The following TRIM68 variants were observed in gnomAD, a reference collection of about 807,000 sequenced individuals.
TRIM68 encodes E3 ubiquitin-protein ligase TRIM68.
In TRIM68, 36 loss-of-function variants were observed where a neutral mutation model predicts 41.9. That is an observed-to-expected ratio of 0.86 (90% CI 0.66 to 1.14). The LOEUF is 1.14. TRIM68 is among the 50% of genes most tolerant of loss of function. The pLI, the probability that TRIM68 is intolerant of heterozygous loss-of-function variation, is 0.00. For missense variants in TRIM68, 632 were observed against 605.1 expected (o/e 1.04, Z -0.47); for synonymous variants, 225 against 224.6 (o/e 1.00, Z -0.02).
At position 4,602,412 on chromosome 11, in the gene TRIM68, T is replaced by A. The variant is rs779419865; in HGVS notation, c.523A>T (p.Ile175Leu). 3.1e-6 allele frequency: 5 copies of A among 1,612,644 alleles called. No homozygotes were observed. The East Asian group carries it at 8.9e-5, about 29-fold the overall frequency. The change falls in exon 4 of 7, where the codon ATA becomes TTA. Residue 175 changes from isoleucine (I) to leucine (L), a missense_variant and splice_region_variant. Physicochemically the swap from Ile to Leu is conservative, Grantham distance 5 (BLOSUM62 2). Transcript: ENST00000300747. Reference sequence around the variant, plus strand: ...CTCTGTTTTCGGGTTTCCACCTGTATCTGTGGAGCCAAGATGGAAATCAGC... The same window carrying A: ...CTCTGTTTTCGGGTTTCCACCTGTAACTGTGGAGCCAAGATGGAAATCAGC... ...GERKRTATWK[I>L]QVETRKQSIV...
Position 4,602,238 on chromosome 11 carries a change from C to T in TRIM68, c.697G>A (p.Glu233Lys), listed in dbSNP as rs972702760. ...TMQKLELNHS[E>K]LIQQSQVLWR... is the part of the protein sequence containing the mutation. ...AGGACCTGGCTCTGCTGGATGAGCT[C>T]GCTATGGTTCAACTCCAGTTTCTGC... is the stretch of plus-strand genomic sequence containing the variant. Residue 233 changes from glutamate (E) to lysine (K), a missense_variant, in exon 4 of 7, where the codon GAG (glutamate) becomes AAG (lysine). Physicochemically the swap from Glu to Lys is moderately conservative, Grantham distance 56. Coordinates refer to ENST00000300747, the MANE Select transcript of TRIM68 (RefSeq NM_018073.8). 7.4e-6 allele frequency: 12 copies of T among 1,614,040 alleles called. No individual in the cohort carries two copies. Among genetic ancestry groups the T allele is most frequent in the Admixed American group, 1.7e-5 (1 of 60,000 alleles).
chr11:4,601,068 C>A lies in TRIM68; in HGVS notation c.866G>T (p.Cys289Phe). 1.9e-6 allele frequency: 3 copies of A among 1,614,212 alleles called. No individual in the cohort carries two copies. The highest frequency in any genetic ancestry group is 2.5e-6 in the Non-Finnish European group (3 of 1,180,040). Residue 289 changes from cysteine to phenylalanine, a missense_variant, in exon 6 of 7, where the codon TGC becomes TTC. Physicochemically the swap from Cys to Phe is radical, Grantham distance 205. Coordinates refer to ENST00000300747, the MANE Select transcript of TRIM68 (RefSeq NM_018073.8). Reference protein sequence around the residue: ...EPISLELKTDCRVLGLREILK... With the variant: ...EPISLELKTDFRVLGLREILK... ...GATCTCTCTTAGCCCCAGCACACGGCAATCTGTCTTCAACTCCAGGGAGAT... is the reference window on the plus strand; with the variant it reads ...GATCTCTCTTAGCCCCAGCACACGGAAATCTGTCTTCAACTCCAGGGAGAT...
chr11:4,604,339 T>C (rs1458543116), intron 2 of TRIM68, among the ~76,000 whole-genome samples: 8 of 152,222 alleles, frequency 5.3e-5, no homozygotes, highest in Non-Finnish European at 1.5e-5. Context: ...AAGATGTCAT[T>C]ATGGGCATCT....
chr11:4,601,084 C>G lies in TRIM68; in HGVS notation c.850G>C (p.Glu284Gln), dbSNP rs1179548174. 1.2e-6 allele frequency: 2 copies of G among 1,614,166 alleles called. No homozygotes were observed. Among genetic ancestry groups the G allele is most frequent in the South Asian group, 2.2e-5 (2 of 91,076 alleles). ...AGCACACGGCAATCTGTCTTCAACT[C>G]CAGGGAGATTGGTTCTGGCTGCTGC... ...SLQQPEPISL[E>Q]LKTDCRVLGL... Residue 284 changes from glutamate (E) to glutamine (Q), a missense_variant, in exon 6 of 7, where the codon GAG (glutamate) becomes CAG (glutamine). Coordinates refer to ENST00000300747, the MANE Select transcript of TRIM68 (RefSeq NM_018073.8).
At chr11:4,600,894 TA>T in intron 6 of TRIM68, 68 bp from the exon 7 acceptor site, 2 of 1,574,600 alleles carry the variant, frequency 1.3e-6, no homozygotes, top group South Asian at 2.3e-5. Context: ...AGCCCTCTGA[TA>T]AATTCAGCCA....
intron 1 of TRIM68, 31 bp from the exon 2 acceptor site, chr11:4,605,592 G>A: frequency 7.7e-7 from 1 of 1,304,272 alleles, no homozygotes; most frequent in Admixed American, 2.4e-5. Context: ...ACAAATAAGA[G>A]AAAAAGGTAA....
chr11:4,603,931 T>C (rs561785948), intron 2 of TRIM68, among the ~76,000 whole-genome samples: 35 of 152,304 alleles, frequency 2.3e-4, no homozygotes, highest in East Asian at 1.9e-4. Flanking sequence ...TAGCAACTAT[T>C]TTGTTAAAAT....
At position 4,608,079 on chromosome 11, in the gene TRIM68, G is replaced by C. The variant is rs935731953; in HGVS notation, c.-110C>G. On this transcript the variant is annotated 5_prime_UTR_variant, in exon 1 of 7. Transcript: ENST00000300747. ...CGCGGCGGAAACTCAAAGTGAAGAA[G>C]CCTGGTTCCGCAGCGTCCAATGGCC... 6.6e-6 allele frequency: 1 copy of C among 152,388 alleles called. No individual in the cohort carries two copies. Among genetic ancestry groups the C allele is most frequent in the African/African-American group, 2.4e-5 (1 of 41,486 alleles). 9.4% of individuals were successfully genotyped at this position (152,388 alleles called of 1,614,324 possible).
rs760845081 is a variant in TRIM68, at chr11:4,605,449, CA to C, written c.55del (p.Cys19ValfsTer2). The C allele has an allele frequency of 2.0e-5, 32 of 1,613,948 alleles. No individual in the cohort carries two copies. Among genetic ancestry groups the C allele is most frequent in the African/African-American group, 2.7e-5 (2 of 74,926 alleles). The part of the protein sequence containing the change: ...AIVEEVACPI[C>X]MTFLREPMSI... ...CATGGGCTCCCTCAGGAAGGTCATA[CA>C]GATGGGACAGGCCACTTCTTCCACA... On this transcript the variant is annotated frameshift_variant, in exon 2 of 7. Transcript: ENST00000300747. LOFTEE classifies it high-confidence loss of function.
chr11:4,606,885 G>C (rs1251687311), intron 1 of TRIM68, among the ~76,000 whole-genome samples: 2 of 152,202 alleles, frequency 1.3e-5, no homozygotes, highest in African/African-American at 4.8e-5. Context: ...AATCTTGCAG[G>C]ACTCTGATAT....
chr11:4,601,365 G>A (rs1846487459), intron 5 of TRIM68: 2 of 594,858 alleles, frequency 3.4e-6, no homozygotes, highest in African/African-American at 3.7e-5. Flanking sequence ...AGGAAGAAGT[G>A]CACACATTTT....
At position 4,602,145 on chromosome 11, in the gene TRIM68, T is replaced by C; in HGVS notation, c.783+7A>G. 1 of 1,614,178 alleles carries C rather than the reference T, an allele frequency of 6.2e-7. No homozygotes were observed. Among genetic ancestry groups the C allele is most frequent in the Non-Finnish European group, 8.5e-7 (1 of 1,180,014 alleles). Reference sequence around the variant, plus strand: ...ACTCAGGGTTACCAGGAAAACCTACTACTCACCTGCAACATCCAGCGGACA... The same window carrying C: ...ACTCAGGGTTACCAGGAAAACCTACCACTCACCTGCAACATCCAGCGGACA... On this transcript the variant is annotated splice_region_variant and intron_variant, in intron 4 of 6. Coordinates refer to ENST00000300747, the MANE Select transcript of TRIM68 (RefSeq NM_018073.8).
intron 1 of TRIM68, among the ~76,000 whole-genome samples, chr11:4,606,058 TTTC>T (rs1846564168): frequency 6.6e-6 from 1 of 152,212 alleles, no homozygotes; most frequent in South Asian, 2.1e-4. Flanking sequence ...CTCAATTTGT[TTTC>T]TTGTGTTGCA....
chr11:4,605,978 ATG>A (rs1195626148), intron 1 of TRIM68, among the ~76,000 whole-genome samples: 1 of 152,242 alleles, frequency 6.6e-6, no homozygotes, highest in African/African-American at 2.4e-5. Context: ...ACTCTCTGGT[ATG>A]TTTATATTTA....
rs1252363330 is a variant in TRIM68, at chr11:4,601,748, T to A, written c.784-62A>T. On this transcript the variant is annotated intron_variant, in intron 4 of 6. Coordinates refer to ENST00000300747, the MANE Select transcript of TRIM68 (RefSeq NM_018073.8). The stretch of plus-strand genomic sequence containing the variant: ...TGCTATTCCTCAGAGGGAACAGACA[T>A]CGAACTGGCAGGGAGTTTCTCTAGG... 1.9e-6 allele frequency: 3 copies of A among 1,595,166 alleles called. No individual in the cohort carries two copies. The African/African-American group carries it at 4.0e-5, about 21-fold the overall frequency.
chr11:4,604,428 G>C (rs771905208), intron 2 of TRIM68, among the ~76,000 whole-genome samples: 2 of 152,236 alleles, frequency 1.3e-5, no homozygotes, highest in Non-Finnish European at 2.9e-5. Context: ...GTTTGTCAGA[G>C]ATGACTTGTC....
chr11:4,602,587 T>A (rs1846510578), intron 3 of TRIM68, among the ~76,000 whole-genome samples, 175 bp from the exon 4 acceptor site: 1 of 152,220 alleles, frequency 6.6e-6, no homozygotes, highest in African/African-American at 2.4e-5. Context: ...CTCCACCACA[T>A]GCTTCTAGGT....
intron 6 of TRIM68, 93 bp downstream of exon 6, chr11:4,600,934 C>T: frequency 1.3e-6 from 2 of 1,565,906 alleles, no homozygotes; most frequent in African/African-American, 1.4e-5. Context: ...AGGGGTGAGG[C>T]TGGATGGAGC....
At position 4,605,341 on chromosome 11, in the gene TRIM68, T is replaced by G; in HGVS notation, c.164A>C (p.Tyr55Ser). Residue 55 changes from tyrosine to serine, a missense_variant, in exon 2 of 7, where the codon TAC becomes TCC. Tyr to Ser is a moderately radical substitution (Grantham distance 144). Coordinates refer to ENST00000300747, the MANE Select transcript of TRIM68 (RefSeq NM_018073.8). The part of the protein sequence containing the change: ...EIPGESQNWG[Y>S]TCPLCRAPVQ... ...AGGAGCTCGACAGAGGGGACAGGTG[T>G]AACCCCAGTTCTGGGATTCTCCTGG... The G allele has an allele frequency of 1.2e-6, 2 of 1,614,224 alleles. No individual in the cohort carries two copies.
Sources: gnomAD v4.1 joint callset for allele counts (sites outside exome capture counted in the v4.1 genomes callset) on GRCh38, gnomAD v4.1.1 for gene constraint, MANE v1.5 for transcripts, NCBI Gene and HGNC (gene_info 2026-07-23, HGNC 2026-07-21) for gene names.